Variants in LRRC75A observed in about 807,000 individuals in gnomAD.
LRRC75A encodes leucine rich repeat containing 75A, also known as leucine-rich repeat-containing protein 75A.
Under a neutral mutation model 26.0 loss-of-function variants are expected in LRRC75A, and 12 were observed. The observed-to-expected ratio is 0.46, with a 90% confidence interval of 0.30 to 0.75. The LOEUF is 0.75. LRRC75A is among the 30% of genes least tolerant of loss of function. LRRC75A has a pLI of 0.08. For missense variants in LRRC75A, 410 were observed against 486.6 expected (o/e 0.84, Z 1.48); for synonymous variants, 223 against 219.3 (o/e 1.02, Z -0.15).
At chr17:16,487,827 G>A (rs1307930461) in intron 1 of LRRC75A, among the ~76,000 whole-genome samples, 5 of 152,208 alleles carry the variant, frequency 3.3e-5, no homozygotes, top group Non-Finnish European at 5.9e-5. Flanking sequence ...CAGGAACCAG[G>A]ATTCCAGGCC....
At chr17:16,478,860 G>A (rs1240057145) in intron 1 of LRRC75A, among the ~76,000 whole-genome samples, 1 of 152,158 alleles carries the variant, frequency 6.6e-6, no homozygotes, top group East Asian at 1.9e-4. Flanking sequence ...CTGCAGCTGA[G>A]AATCATAAAA....
At chr17:16,464,053 C>G (rs2093748958) in intron 1 of LRRC75A, 1 of 152,454 alleles carries the variant, frequency 6.6e-6, no homozygotes, top group South Asian at 2.1e-4. Flanking sequence ...CCCTTGGAGC[C>G]CAACTGCCAG....
rs538054667 is a variant in LRRC75A, at chr17:16,476,928, C to T, written c.247-14542G>A. Among the ~76,000 whole-genome samples the T allele has an allele frequency of 2.1e-3, 323 of 151,390 alleles. 1 individual carries two copies. The highest frequency in any genetic ancestry group is 5.4e-3 in the African/African-American group (223 of 40,928). ...TAATTTTTTGTATTTTTAGTAGAGA[C>T]GGGGTTTCACCGTGTTAGCCAGGAT... On this transcript the variant is annotated intron_variant, in intron 1 of 3. Transcript: ENST00000470794.
chr17:16,457,384 A>C (rs1469469659), intron 2 of LRRC75A, among the ~76,000 whole-genome samples: 1 of 152,208 alleles, frequency 6.6e-6, no homozygotes, highest in African/African-American at 2.4e-5. Context: ...TAGAGACTGC[A>C]TCACTGGGCT....
intron 3 of LRRC75A, among the ~76,000 whole-genome samples, chr17:16,445,093 C>T (rs1470014422): frequency 6.6e-6 from 1 of 150,804 alleles, no homozygotes; most frequent in Non-Finnish European, 1.5e-5. Context: ...AGGTAATCCA[C>T]CCATCTCGGC....
intron 1 of LRRC75A, among the ~76,000 whole-genome samples, chr17:16,474,369 C>T (rs963983939): frequency 6.6e-6 from 1 of 152,240 alleles, no homozygotes; most frequent in African/African-American, 2.4e-5. Flanking sequence ...TTTTCCTTTT[C>T]CTGCTGGACG....
At chr17:16,473,918 G>A (rs1239323473) in intron 1 of LRRC75A, among the ~76,000 whole-genome samples, 1 of 152,166 alleles carries the variant, frequency 6.6e-6, no homozygotes, top group African/African-American at 2.4e-5. Context: ...ATGACTGTGT[G>A]TTGTTTGTGT....
chr17:16,489,316 C>A (rs1241834394), intron 1 of LRRC75A, among the ~76,000 whole-genome samples: 1 of 152,174 alleles, frequency 6.6e-6, no homozygotes, highest in East Asian at 1.9e-4. Context: ...GGTTCTGTGC[C>A]TGCTCATTGA....
At chr17:16,455,818 T>C (rs1460508674) in intron 2 of LRRC75A, among the ~76,000 whole-genome samples, 1 of 152,354 alleles carries the variant, frequency 6.6e-6, no homozygotes, top group African/African-American at 2.4e-5. Flanking sequence ...CTGAGGCTGA[T>C]GCTCCTAACC....
Position 16,492,099 on chromosome 17 carries a change from G to A in LRRC75A, c.-109C>T. ...CGCTCGCCTCCCGGGCTGCAACTTT[G>A]GGGGAACTGTTGCGCGCGGGCGTCG... On this transcript the variant is annotated 5_prime_UTR_variant, in exon 1 of 4. Coordinates refer to ENST00000470794, the MANE Select transcript of LRRC75A (RefSeq NM_001113567.3). 3.1e-6 allele frequency: 3 copies of A among 983,048 alleles called. No homozygotes were observed. In the South Asian group the frequency reaches 1.4e-4, roughly 47 times the overall value. The allele number at this position is 983,048 out of a possible 1,614,324, so 60.9% of individuals were successfully genotyped here.
At chr17:16,458,175 A>G (rs2093699552) in intron 2 of LRRC75A, among the ~76,000 whole-genome samples, 1 of 152,036 alleles carries the variant, frequency 6.6e-6, no homozygotes, top group Admixed American at 6.5e-5. Context: ...TTGTGGTGGC[A>G]GGTGCCTGTA....
chr17:16,445,140 C>T (rs377428845), intron 3 of LRRC75A, among the ~76,000 whole-genome samples: 18 of 146,360 alleles, frequency 1.2e-4, no homozygotes, highest in Admixed American at 3.5e-4. Context: ...TGAGCCAACA[C>T]GCCTGGCCAT....
intron 1 of LRRC75A, among the ~76,000 whole-genome samples, chr17:16,467,727 A>G (rs2143274544): frequency 6.6e-6 from 1 of 152,340 alleles, no homozygotes; most frequent in South Asian, 2.1e-4. Flanking sequence ...TGGCGCCTGT[A>G]GGGCTGTCCT....
intron 1 of LRRC75A, among the ~76,000 whole-genome samples, chr17:16,484,161 C>A (rs2093840901): frequency 6.6e-6 from 1 of 151,942 alleles, no homozygotes; most frequent in Admixed American, 6.5e-5. Flanking sequence ...CATAGTGAAA[C>A]CCCGTCTCTA....
chr17:16,479,744 C>T (rs1177069112), intron 1 of LRRC75A, among the ~76,000 whole-genome samples: 1 of 152,262 alleles, frequency 6.6e-6, no homozygotes, highest in Non-Finnish European at 1.5e-5. Context: ...TTGCCCCTCG[C>T]TGGGAACACC....
At chr17:16,468,804 G>A (rs1179025050) in intron 1 of LRRC75A, among the ~76,000 whole-genome samples, 1 of 152,200 alleles carries the variant, frequency 6.6e-6, no homozygotes, top group Non-Finnish European at 1.5e-5. Context: ...CAGGAGGACA[G>A]CTTGAGCCAG....
intron 1 of LRRC75A, among the ~76,000 whole-genome samples, chr17:16,481,993 G>A (rs1016661347): frequency 2.0e-5 from 3 of 152,144 alleles, no homozygotes; most frequent in Non-Finnish European, 4.4e-5. Context: ...TGCCAGGTGC[G>A]CGGTGTCTAC....
chr17:16,450,381 G>C (rs964389973), intron 2 of LRRC75A, among the ~76,000 whole-genome samples: 1 of 152,190 alleles, frequency 6.6e-6, no homozygotes, highest in African/African-American at 2.4e-5. Flanking sequence ...GCCCGAGACT[G>C]AACAGAACGG....
chr17:16,453,155 C>T (rs1359720056), intron 2 of LRRC75A, among the ~76,000 whole-genome samples: 1 of 151,966 alleles, frequency 6.6e-6, no homozygotes, highest in Admixed American at 6.6e-5. Flanking sequence ...CAGGCGTAGT[C>T]GTGGGTGCCT....
Sources: allele counts gnomAD v4.1 joint callset (sites outside exome capture counted in the v4.1 genomes callset), GRCh38; gene constraint gnomAD v4.1.1; transcripts MANE v1.5; gene names NCBI Gene and HGNC (gene_info 2026-07-23, HGNC 2026-07-21).